Variants in DNAJC3 observed in about 807,000 individuals in gnomAD.
The protein encoded by DNAJC3 is DnaJ heat shock protein family (Hsp40) member C3, also known as dnaJ homolog subfamily C member 3.
In DNAJC3, 38 loss-of-function variants were observed where a neutral mutation model predicts 68.6. That is an observed-to-expected ratio of 0.55 (90% CI 0.43 to 0.73). DNAJC3 has a LOEUF of 0.73. DNAJC3 is among the 30% of genes least tolerant of loss of function. The pLI is 0.00. For missense variants in DNAJC3, 526 were observed against 591.9 expected (o/e 0.89, Z 1.16); for synonymous variants, 203 against 204.0 (o/e 1.00, Z 0.04).
rs1883621815 is a variant in DNAJC3, at chr13:95,787,010, T to C, written c.1212T>C (p.Asn404=). Residue 404 remains asparagine (N), a synonymous_variant, in exon 11 of 12, where the codon AAT becomes AAC. Coordinates refer to ENST00000602402, the MANE Select transcript of DNAJC3 (RefSeq NM_006260.5). The stretch of plus-strand genomic sequence containing the variant: ...TATTTATTTTACCACCCCTCAGAAA[T>C]GCCAAAAAGCAAGAAATTATTAAAG... ...DYYKILGVKR[N]AKKQEIIKAY... is the part of the protein sequence containing the mutation. 1 of 1,605,932 alleles carries C rather than the reference T, an allele frequency of 6.2e-7. No homozygotes were observed. Among genetic ancestry groups the C allele is most frequent in the South Asian group, 1.1e-5 (1 of 88,824 alleles).
chr13:95,704,567 A>T (rs1482774495), intron 1 of DNAJC3, among the ~76,000 whole-genome samples: 1 of 152,230 alleles, frequency 6.6e-6, no homozygotes, highest in East Asian at 1.9e-4. Flanking sequence ...AGTGCTGTAT[A>T]GAATGCTGTA....
At chr13:95,736,965 G>T (rs912569693) in intron 4 of DNAJC3, among the ~76,000 whole-genome samples, 6 of 151,382 alleles carry the variant, frequency 4.0e-5, no homozygotes, top group Non-Finnish European at 7.4e-5. Flanking sequence ...GTTTGTCATA[G>T]ATAGCTCTTA....
At chr13:95,759,171 C>A (rs17887216) in intron 5 of DNAJC3, among the ~76,000 whole-genome samples, 33 of 152,146 alleles carry the variant, frequency 2.2e-4, no homozygotes, top group African/African-American at 7.5e-4. Context: ...GTTTCCTAAA[C>A]CCTTATGGAC....
intron 9 of DNAJC3, among the ~76,000 whole-genome samples, chr13:95,768,050 A>T (rs1029877075): frequency 6.6e-6 from 1 of 151,978 alleles, no homozygotes; most frequent in Non-Finnish European, 1.5e-5. Context: ...AGCCATCTTA[A>T]TGGGCTTGAG....
At position 95,740,164 on chromosome 13, in the gene DNAJC3, C is replaced by T. The variant is rs1360493238; in HGVS notation, c.393+14912C>T. On this transcript the variant is annotated intron_variant, in intron 4 of 11. Coordinates refer to ENST00000602402, the MANE Select transcript of DNAJC3 (RefSeq NM_006260.5). ...GGACCCACTTGAGGAGGCAGTCTAC[C>T]CGTTCTCAGATCTCCAGCTGCGTGC... Among the ~76,000 whole-genome samples the T allele has an allele frequency of 4.6e-5, 7 of 152,348 alleles. No homozygotes were observed. The East Asian group carries it at 1.2e-3, about 25-fold the overall frequency.
chr13:95,760,558 T>G (rs955079547), intron 6 of DNAJC3, 121 bp from the exon 7 acceptor site: 1 of 1,264,042 alleles, frequency 7.9e-7, no homozygotes, highest in African/African-American at 1.5e-5. Context: ...AAATTATAAG[T>G]CTCAGTATGG....
intron 1 of DNAJC3, chr13:95,693,791 C>T (rs1880351365): frequency 6.6e-6 from 1 of 151,078 alleles, no homozygotes; most frequent in African/African-American, 2.4e-5. Context: ...TGTACAACCC[C>T]TTGCTCAAGC....
intron 4 of DNAJC3, among the ~76,000 whole-genome samples, chr13:95,739,550 C>T (rs1261858322): frequency 6.6e-6 from 1 of 151,756 alleles, no homozygotes; most frequent in African/African-American, 2.4e-5. Flanking sequence ...TCTAAACTTC[C>T]CTTCTCGCTT....
At chr13:95,741,300 A>G (rs1394644783) in intron 4 of DNAJC3, among the ~76,000 whole-genome samples, 3 of 152,150 alleles carry the variant, frequency 2.0e-5, no homozygotes, top group African/African-American at 4.8e-5. Context: ...ATGTAGTAGT[A>G]TAGTCTCCAT....
At chr13:95,756,613 A>G (rs17885080) in intron 4 of DNAJC3, among the ~76,000 whole-genome samples, 2,284 of 152,344 alleles carry the variant, frequency 0.015, 61 homozygotes, top group African/African-American at 0.052. Context: ...GAAAGGAGGA[A>G]TATGATTGAC....
chr13:95,735,714 G>A (rs1881888289), intron 4 of DNAJC3, among the ~76,000 whole-genome samples: 1 of 150,862 alleles, frequency 6.6e-6, no homozygotes, highest in Non-Finnish European at 1.5e-5. Context: ...GTAGATTCTG[G>A]ATATTAGCCC....
chr13:95,712,506 A>G (rs936238841), intron 2 of DNAJC3, among the ~76,000 whole-genome samples: 2 of 151,308 alleles, frequency 1.3e-5, no homozygotes, highest in Non-Finnish European at 2.9e-5. Context: ...CCTCCCAAGT[A>G]GCGGGGGTTA....
chr13:95,752,330 G>T (rs555305107), intron 4 of DNAJC3, among the ~76,000 whole-genome samples: 1 of 152,190 alleles, frequency 6.6e-6, no homozygotes, highest in South Asian at 2.1e-4. Flanking sequence ...TATTTTTTGT[G>T]TAAAAATAAC....
chr13:95,755,756 C>CAAAAAAAAAAAAA (rs56659621), intron 4 of DNAJC3, among the ~76,000 whole-genome samples: 3 of 15,090 alleles, frequency 2.0e-4, no homozygotes, highest in African/African-American at 3.2e-4. Flanking sequence ...GACGCCGTCT[C>CAAAAAAAAAAAAA]AAAAAAAAAA....
At chr13:95,761,525 A>G (rs1204445130) in intron 7 of DNAJC3, among the ~76,000 whole-genome samples, 1 of 152,170 alleles carries the variant, frequency 6.6e-6, no homozygotes, top group Non-Finnish European at 1.5e-5. Flanking sequence ...CTTGCAGACT[A>G]TAACGCCTTG....
At chr13:95,716,977 C>G (rs1881172123) in intron 2 of DNAJC3, among the ~76,000 whole-genome samples, 2 of 152,148 alleles carry the variant, frequency 1.3e-5, no homozygotes, top group African/African-American at 4.8e-5. Flanking sequence ...CTACCCAGCA[C>G]TTCCCTGCCC....
chr13:95,722,208 C>T (rs1422222181), intron 2 of DNAJC3, among the ~76,000 whole-genome samples: 1 of 152,196 alleles, frequency 6.6e-6, no homozygotes, highest in Admixed American at 6.5e-5. Flanking sequence ...ATTCATCTGT[C>T]TGCTTTCCTT....
At chr13:95,690,772 T>C (rs1197090110) in intron 1 of DNAJC3, among the ~76,000 whole-genome samples, 12 of 116,126 alleles carry the variant, frequency 1.0e-4, no homozygotes, top group Admixed American at 1.7e-4. Context: ...CCGGATGGGG[T>C]GGCTGGCCGG....
At chr13:95,727,947 G>A (rs945036571) in intron 4 of DNAJC3, among the ~76,000 whole-genome samples, 2 of 151,986 alleles carry the variant, frequency 1.3e-5, no homozygotes, top group African/African-American at 4.8e-5. Flanking sequence ...CCACTAATTT[G>A]ATATTCATTT....
Sources: allele counts gnomAD v4.1 joint callset (sites outside exome capture counted in the v4.1 genomes callset), GRCh38; gene constraint gnomAD v4.1.1; transcripts MANE v1.5; gene names NCBI Gene and HGNC (gene_info 2026-07-23, HGNC 2026-07-21).